Variants in YPEL1 observed in about 807,000 individuals in gnomAD.
YPEL1 encodes the protein protein yippee-like 1.
Under a neutral mutation model 17.3 loss-of-function variants are expected in YPEL1, and 7 were observed. The ratio of observed to expected loss-of-function variants is 0.40; its 90% confidence interval spans 0.23 to 0.76. YPEL1 has a LOEUF of 0.76. YPEL1 is among the 30% of genes least tolerant of loss of function. YPEL1 has a pLI of 0.35. For missense variants in YPEL1, 91 were observed against 155.5 expected, an observed-to-expected ratio of 0.59 and a Z score of 2.21; for synonymous variants, 59 against 59.6, an observed-to-expected ratio of 0.99 and a Z score of 0.05.
chr22:21,719,927 G>A (rs1231274225), intron 1 of YPEL1, among the ~76,000 whole-genome samples: 2 of 151,190 alleles, frequency 1.3e-5, no homozygotes, highest in South Asian at 2.1e-4. Flanking sequence ...TGGGAGAATC[G>A]TTTGAACCTG....
intron 1 of YPEL1, among the ~76,000 whole-genome samples, chr22:21,721,891 G>A (rs1329407087): frequency 6.6e-6 from 1 of 152,064 alleles, no homozygotes; most frequent in Admixed American, 6.6e-5. Context: ...CCTCCACCAA[G>A]CCCCTGGCAG....
intron 1 of YPEL1, among the ~76,000 whole-genome samples, chr22:21,711,895 C>T (rs1297092185): frequency 6.6e-6 from 1 of 152,196 alleles, no homozygotes; most frequent in Non-Finnish European, 1.5e-5. Context: ...AAACTTCTGG[C>T]TCGGTGCAGT....
At chr22:21,732,195 CTT>C (rs987985954) in intron 1 of YPEL1, among the ~76,000 whole-genome samples, 13 of 152,290 alleles carry the variant, frequency 8.5e-5, no homozygotes, top group Admixed American at 7.8e-4. Flanking sequence ...ATTTCACCCT[CTT>C]GACTTCTTTC....
chr22:21,703,859 G>A lies in YPEL1; in HGVS notation c.141C>T (p.Arg47=), dbSNP rs150416985. The change falls in exon 3 of 5, where the codon CGC becomes CGT. Residue 47 remains arginine, a synonymous_variant. Coordinates refer to ENST00000339468, the MANE Select transcript of YPEL1 (RefSeq NM_013313.5). The surrounding 1 kb of genome is among the most constrained non-coding windows in gnomAD (Gnocchi z 6.1). ...CTCACACGGAATTGAAGAGGTAGGCGCGTCCCTGGCTCCCCTGAAAGGACT... is the reference window on the plus strand; with the variant it reads ...CTCACACGGAATTGAAGAGGTAGGCACGTCCCTGGCTCCCCTGAAAGGACT... ...ISKSFQGSQG[R]AYLFNSVVNV... 5.4e-5 allele frequency: 87 copies of A among 1,606,984 alleles called. No homozygotes were observed. The highest frequency in any genetic ancestry group is 8.5e-5 in the Admixed American group (5 of 59,152).
intron 1 of YPEL1, among the ~76,000 whole-genome samples, chr22:21,718,704 C>G (rs1200526858): frequency 2.0e-5 from 3 of 152,058 alleles, no homozygotes; most frequent in African/African-American, 7.2e-5. Context: ...AACAGTTCAT[C>G]ACATTTATCA....
At chr22:21,721,270 G>A (rs368409425) in intron 1 of YPEL1, among the ~76,000 whole-genome samples, 3 of 151,330 alleles carry the variant, frequency 2.0e-5, no homozygotes, top group Non-Finnish European at 4.4e-5. Context: ...GTGCCACCAC[G>A]CCCGGCTAAT....
chr22:21,730,080 A>G (rs1419405706), intron 1 of YPEL1, among the ~76,000 whole-genome samples: 1 of 151,764 alleles, frequency 6.6e-6, no homozygotes, highest in Non-Finnish European at 1.5e-5. Context: ...TGAACCCGGG[A>G]GGCAGAGGTT....
rs2068429413 is a variant in YPEL1, at chr22:21,735,620, C to CTCCGCGG, written c.-177_-171dup. 6.6e-6 allele frequency: 1 copy of CTCCGCGG among 151,714 alleles called. No homozygotes were observed. The highest frequency in any genetic ancestry group is 2.4e-5 in the African/African-American group (1 of 41,388). 9.4% of individuals were successfully genotyped at this position (151,714 alleles called of 1,614,324 possible). On this transcript the variant is annotated 5_prime_UTR_variant, in exon 1 of 5. The change abolishes the stop of an existing upstream ORF in the 5' untranslated region. Coordinates refer to ENST00000339468, the MANE Select transcript of YPEL1 (RefSeq NM_013313.5). ...CCAGGCCCGCCCGTACTCACGGCCG[C>CTCCGCGG]TCCGCGGTCCGCGCCCCGGCCCGCA...
chr22:21,710,505 T>C, intron 2 of YPEL1, 123 bp downstream of exon 2: 2 of 862,776 alleles, frequency 2.3e-6, no homozygotes, highest in South Asian at 2.8e-5. Context: ...CCTAGAAGGC[T>C]CTAGACGTTC....
rs762874700 is a variant in YPEL1, at chr22:21,703,803, C to T, written c.161+36G>A. The T allele has an allele frequency of 1.4e-5, 23 of 1,603,606 alleles. No homozygotes were observed. In the East Asian group the frequency reaches 2.9e-4, roughly 21 times the overall value. On this transcript the variant is annotated intron_variant, in intron 3 of 4. Transcript: ENST00000339468. This position sits in a 1 kb window ranked among gnomAD's most constrained non-coding sequence, Gnocchi z 6.1. ...GTGCCATCCAGGCCGTCCCAGGGCC[C>T]GTGCCGCTCCCCCCGGGCTGAACCA...
chr22:21,712,674 C>T (rs1317059374), intron 1 of YPEL1, among the ~76,000 whole-genome samples: 4 of 145,344 alleles, frequency 2.8e-5, no homozygotes, highest in Admixed American at 7.1e-5. Flanking sequence ...TGCAGTGAGC[C>T]GAGACCATAT....
intron 1 of YPEL1, among the ~76,000 whole-genome samples, chr22:21,723,985 G>C (rs981535119): frequency 2.6e-5 from 4 of 151,960 alleles, no homozygotes; most frequent in Non-Finnish European, 4.4e-5. Context: ...TATTTTTTAA[G>C]CTGCTGTTGG....
chr22:21,726,608 T>A (rs1390789472), intron 1 of YPEL1, among the ~76,000 whole-genome samples: 1 of 152,168 alleles, frequency 6.6e-6, no homozygotes, highest in Non-Finnish European at 1.5e-5. Context: ...TGCGTCCCCA[T>A]CAGGGTCCTG....
intron 1 of YPEL1, among the ~76,000 whole-genome samples, chr22:21,715,761 CTTTTTTTTT>C (rs746097162): frequency 1.2e-5 from 1 of 85,784 alleles, no homozygotes; most frequent in Non-Finnish European, 2.4e-5. Context: ...TTTTTCTTTT[CTTTTTTTTT>C]TTTTTTTTTT....
At chr22:21,710,607 T>A in intron 2 of YPEL1, 21 bp downstream of exon 2, 1 of 1,596,020 alleles carries the variant, frequency 6.3e-7, no homozygotes, top group Non-Finnish European at 8.6e-7. Flanking sequence ...TGCCATCAAT[T>A]TTTTGGCATA....
intron 1 of YPEL1, among the ~76,000 whole-genome samples, chr22:21,721,425 C>CTT (rs55953362): frequency 7.3e-5 from 11 of 149,660 alleles, no homozygotes; most frequent in South Asian, 6.3e-4. Flanking sequence ...GCCTTTTTTT[C>CTT]TTTTTTTTTT....
In YPEL1 at chr22:21,700,947, G is replaced by A. The variant is rs540874065; in HGVS notation, c.*182C>T. The A allele has an allele frequency of 6.1e-5, 32 of 522,336 alleles. No individual in the cohort carries two copies. The highest frequency in any genetic ancestry group is 5.4e-4 in the East Asian group (18 of 33,484). The allele number at this position is 522,336 out of a possible 1,614,324, so 32.4% of individuals were successfully genotyped here. A position where few individuals can be genotyped will look rare whatever the true frequency, so the allele number is the denominator to read the frequency against. On this transcript the variant is annotated 3_prime_UTR_variant, in exon 5 of 5. Coordinates refer to ENST00000339468, the MANE Select transcript of YPEL1 (RefSeq NM_013313.5). ...AATTTTCAGAAACAACTGTGTACAC[G>A]AAGAGGACAGATCCGAGGGACACCT...
At chr22:21,718,137 A>AC (rs537401227) in intron 1 of YPEL1, among the ~76,000 whole-genome samples, 5 of 150,748 alleles carry the variant, frequency 3.3e-5, no homozygotes, top group Admixed American at 6.6e-5. Flanking sequence ...TCAAAAAAAA[A>AC]AAAAAACAAA....
At chr22:21,720,168 A>C (rs2068266889) in intron 1 of YPEL1, among the ~76,000 whole-genome samples, 1 of 120,756 alleles carries the variant, frequency 8.3e-6, no homozygotes, top group Non-Finnish European at 1.7e-5. Flanking sequence ...ACAGAGCGAG[A>C]CTCTGTATCA....
Sources: allele counts gnomAD v4.1 joint callset (sites outside exome capture counted in the v4.1 genomes callset), GRCh38; gene constraint gnomAD v4.1.1; non-coding constraint Gnocchi (gnomAD v3.1); transcripts MANE v1.5; gene names NCBI Gene and HGNC (gene_info 2026-07-23, HGNC 2026-07-21).